Variants in TRHDE observed in about 807,000 individuals in gnomAD.
TRHDE encodes thyrotropin releasing hormone degrading enzyme.
Under a neutral mutation model 125.7 loss-of-function variants are expected in TRHDE, and 72 were observed. The observed-to-expected ratio is 0.57, with a 90% CI of 0.47 to 0.70. TRHDE has a LOEUF of 0.70. Ranked by LOEUF, TRHDE falls within the 30% of genes least tolerant of loss-of-function variation. The pLI is 0.00. For missense variants in TRHDE, 1,110 were observed against 1,327.1 expected, an observed-to-expected ratio of 0.84 and a Z score of 2.54; for synonymous variants, 509 against 509.1, an observed-to-expected ratio of 1.00 and a Z score of 0.00.
At chr12:72,134,279 C>T (rs1237966308) in intron 2 of TRHDE, among the ~76,000 whole-genome samples, 4 of 152,078 alleles carry the variant, frequency 2.6e-5, no homozygotes, top group Non-Finnish European at 5.9e-5. Context: ...CTTCATCCTA[C>T]AAATAGGGGT....
intron 7 of TRHDE, among the ~76,000 whole-genome samples, chr12:72,546,657 C>A (rs1273607691): frequency 6.6e-6 from 1 of 151,374 alleles, no homozygotes; most frequent in Non-Finnish European, 1.5e-5. Flanking sequence ...CATACTAAAA[C>A]CCTTAGTAAT....
At chr12:72,395,882 C>T (rs1872767144) in intron 3 of TRHDE, among the ~76,000 whole-genome samples, 1 of 152,186 alleles carries the variant, frequency 6.6e-6, no homozygotes, top group Non-Finnish European at 1.5e-5. Flanking sequence ...GTATACTCTT[C>T]CCTTCCTCAA....
intron 2 of TRHDE, among the ~76,000 whole-genome samples, chr12:72,371,998 A>C (rs1203321011): frequency 6.6e-6 from 1 of 152,208 alleles, no homozygotes; most frequent in Non-Finnish European, 1.5e-5. Flanking sequence ...ACTAGTTTAC[A>C]GTCCCACCAA....
chr12:72,597,432 C>T (rs910445480), intron 12 of TRHDE, among the ~76,000 whole-genome samples: 2 of 151,932 alleles, frequency 1.3e-5, no homozygotes, highest in South Asian at 4.2e-4. Context: ...CTTTGGGAGG[C>T]TGAGGCAGGC....
chr12:72,119,844 TCTA>T (rs1023969341), intron 2 of TRHDE, among the ~76,000 whole-genome samples: 1 of 152,210 alleles, frequency 6.6e-6, no homozygotes, highest in Non-Finnish European at 1.5e-5. Context: ...TATAGCTACT[TCTA>T]CTCCTTTTTG....
chr12:72,653,389 A>G (rs1874585414), intron 17 of TRHDE, among the ~76,000 whole-genome samples: 1 of 152,140 alleles, frequency 6.6e-6, no homozygotes. Context: ...TTGGAGTATA[A>G]AAGGCTTAGC....
intron 2 of TRHDE, among the ~76,000 whole-genome samples, chr12:72,187,446 G>GGGTGGTGGT (rs971743256): frequency 2.7e-5 from 4 of 148,650 alleles, no homozygotes; most frequent in Non-Finnish European, 3.0e-5. Flanking sequence ...GAGGTGGGGG[G>GGGTGGTGGT]GGTGGTGGTG....
At chr12:72,166,668 A>G (rs561654315) in intron 2 of TRHDE, among the ~76,000 whole-genome samples, 3 of 152,238 alleles carry the variant, frequency 2.0e-5, no homozygotes, top group South Asian at 4.2e-4. Context: ...ACCCACACCT[A>G]GGACTGGATG....
chr12:72,295,280 C>A (rs1880249689), intron 2 of TRHDE, among the ~76,000 whole-genome samples: 1 of 152,198 alleles, frequency 6.6e-6, no homozygotes, highest in Middle Eastern at 3.4e-3. Flanking sequence ...AGGGGCAGGG[C>A]TCCTGCTTGT....
At chr12:72,506,931 A>T (rs1878379304) in intron 6 of TRHDE, among the ~76,000 whole-genome samples, 1 of 152,156 alleles carries the variant, frequency 6.6e-6, no homozygotes, top group African/African-American at 2.4e-5. Flanking sequence ...AGGTGATTGG[A>T]TCATGGGGGC....
At chr12:72,358,061 T>C (rs1870901140) in intron 2 of TRHDE, among the ~76,000 whole-genome samples, 1 of 151,586 alleles carries the variant, frequency 6.6e-6, no homozygotes, top group Non-Finnish European at 1.5e-5. Context: ...ATTTTGTGGA[T>C]TGCAACTGAA....
intron 2 of TRHDE, among the ~76,000 whole-genome samples, chr12:72,371,051 C>A (rs572641683): frequency 1.3e-5 from 2 of 152,180 alleles, no homozygotes; most frequent in Admixed American, 6.5e-5. Flanking sequence ...GGCCAATTCC[C>A]ACACATTTTA....
chr12:72,282,552 G>T (rs1879735233), intron 1 of TRHDE, among the ~76,000 whole-genome samples: 1 of 152,114 alleles, frequency 6.6e-6, no homozygotes, highest in African/African-American at 2.4e-5. Flanking sequence ...GGCTCTCTCT[G>T]TTAGAAAAAA....
At chr12:72,173,788 C>A (rs1488245524) in intron 2 of TRHDE, among the ~76,000 whole-genome samples, 2 of 151,394 alleles carry the variant, frequency 1.3e-5, no homozygotes, top group African/African-American at 4.9e-5. Flanking sequence ...TCTGCGCGCG[C>A]ACACACACAC....
chr12:72,187,880 A>G (rs1402306680), intron 2 of TRHDE, among the ~76,000 whole-genome samples: 1 of 152,232 alleles, frequency 6.6e-6, no homozygotes, highest in Non-Finnish European at 1.5e-5. Context: ...GATTAAATGT[A>G]GCTAAGATTA....
At chr12:72,517,873 T>A (rs1398447002) in intron 6 of TRHDE, among the ~76,000 whole-genome samples, 1 of 151,728 alleles carries the variant, frequency 6.6e-6, no homozygotes, top group Non-Finnish European at 1.5e-5. Flanking sequence ...TCAAAGAACA[T>A]CTTTATTTCT....
At chr12:72,250,417 G>C (rs1213653745) in intron 2 of TRHDE, among the ~76,000 whole-genome samples, 1 of 152,112 alleles carries the variant, frequency 6.6e-6, no homozygotes, top group South Asian at 2.1e-4. Flanking sequence ...GGATCACGCT[G>C]GCTTCAGAGT....
At chr12:72,153,467 A>G (rs1876420863) in intron 2 of TRHDE, among the ~76,000 whole-genome samples, 1 of 151,964 alleles carries the variant, frequency 6.6e-6, no homozygotes, top group Non-Finnish European at 1.5e-5. Context: ...TTGTTTCTCT[A>G]GTTCTTTTAA....
chr12:72,215,438 G>A (rs1877868933), intron 2 of TRHDE, among the ~76,000 whole-genome samples: 1 of 152,186 alleles, frequency 6.6e-6, no homozygotes, highest in African/African-American at 2.4e-5. Flanking sequence ...GGCTTGGCTT[G>A]GGCTCAGAGG....
Sources: allele counts gnomAD v4.1 joint callset (sites outside exome capture counted in the v4.1 genomes callset), GRCh38; gene constraint gnomAD v4.1.1; transcripts MANE v1.5; gene names NCBI Gene and HGNC (gene_info 2026-07-23, HGNC 2026-07-21).